The following BCAS3 variants were observed in gnomAD, a reference collection of about 807,000 sequenced individuals.
BCAS3 encodes the protein BCAS3 microtubule associated cell migration factor, also known as BCAS4/BCAS3 fusion.
BCAS3 carries 53 observed loss-of-function variants against 116.1 expected under a neutral mutation model. That is an observed-to-expected ratio of 0.46 (90% CI 0.37 to 0.57). BCAS3 has a LOEUF of 0.57. BCAS3 is among the 20% of genes least tolerant of loss of function. The pLI, the probability that BCAS3 is intolerant of heterozygous loss-of-function variation, is 0.00. For synonymous variants in BCAS3, 391 were observed against 408.2 expected, an observed-to-expected ratio of 0.96 and a Z score of 0.51; for missense variants, 917 against 1,165.4, an observed-to-expected ratio of 0.79 and a Z score of 3.10.
At chr17:60,911,686 C>G (rs374777051) in intron 12 of BCAS3, among the ~76,000 whole-genome samples, 3 of 151,766 alleles carry the variant, frequency 2.0e-5, no homozygotes, top group East Asian at 1.9e-4. Context: ...ATGCCCGTCT[C>G]GGCCTCCCAA....
chr17:61,304,121 G>C (rs2053653112), intron 22 of BCAS3, among the ~76,000 whole-genome samples: 1 of 152,136 alleles, frequency 6.6e-6, no homozygotes, highest in South Asian at 2.1e-4. Context: ...TCTCTAAATA[G>C]TTCTCAAATT....
At chr17:60,982,088 GTTGCC>G in intron 14 of BCAS3, among the ~76,000 whole-genome samples, 2 of 152,242 alleles carry the variant, frequency 1.3e-5, no homozygotes, top group South Asian at 4.2e-4. Flanking sequence ...TGCATTAAGA[GTTGCC>G]TGAAAGAAGG....
chr17:61,295,132 T>G (rs1401401500), intron 22 of BCAS3, among the ~76,000 whole-genome samples: 1 of 152,174 alleles, frequency 6.6e-6, no homozygotes, highest in East Asian at 1.9e-4. Flanking sequence ...GAGGCTTCTC[T>G]CTAAGCCCTT....
intron 7 of BCAS3, among the ~76,000 whole-genome samples, chr17:60,854,348 G>A (rs1017280676): frequency 2.0e-5 from 3 of 152,080 alleles, no homozygotes; most frequent in South Asian, 2.1e-4. Context: ...GAATAGTGCC[G>A]CAATGAACAT....
intron 7 of BCAS3, among the ~76,000 whole-genome samples, chr17:60,846,012 C>G (rs2052496831): frequency 1.3e-5 from 2 of 151,772 alleles, no homozygotes; most frequent in Non-Finnish European, 2.9e-5. Context: ...CACTGCAGCC[C>G]CAACCTTCCA....
chr17:60,968,827 GCCT>G (rs1250263539), intron 14 of BCAS3, among the ~76,000 whole-genome samples: 5 of 152,086 alleles, frequency 3.3e-5, no homozygotes, highest in Non-Finnish European at 7.4e-5. Context: ...TGGTAGTCTA[GCCT>G]CCCCACTTTG....
At chr17:61,385,158 A>G (rs2059785186) in intron 23 of BCAS3, among the ~76,000 whole-genome samples, 1 of 152,196 alleles carries the variant, frequency 6.6e-6, no homozygotes, top group Admixed American at 6.5e-5. Context: ...ACGCTCTGGA[A>G]GAGACAGCAG....
chr17:61,077,256 G>A lies in BCAS3; in HGVS notation c.2131-1077G>A, dbSNP rs971522066. ...TTGGCGGCCGGGCGCAGTGGCTCACGCCTGTAATCCCAGCACTTTGGGAGG... is the reference window on the plus strand; with the variant it reads ...TTGGCGGCCGGGCGCAGTGGCTCACACCTGTAATCCCAGCACTTTGGGAGG... On this transcript the variant is annotated intron_variant, in intron 20 of 23. Transcript: ENST00000407086. The surrounding 1 kb of genome is among the most constrained non-coding windows in gnomAD (Gnocchi z 4.3). Among the ~76,000 whole-genome samples, 2 of 152,104 alleles carry A rather than the reference G, an allele frequency of 1.3e-5. No individual in the cohort carries two copies. Among genetic ancestry groups the A allele is most frequent in the African/African-American group, 4.8e-5 (2 of 41,428 alleles).
In BCAS3 at chr17:61,070,817, C is replaced by T. The variant is rs371296685; in HGVS notation, c.2030-4103C>T. ...AAAGCTTTTCAATACTATATGTAGA[C>T]TGACTAAAATCAAGAGACTTACTGA... On this transcript the variant is annotated intron_variant, in intron 19 of 23. Coordinates refer to ENST00000407086, the MANE Select transcript of BCAS3 (RefSeq NM_017679.5). Among the ~76,000 whole-genome samples, 132 of 152,214 alleles carry T rather than the reference C, an allele frequency of 8.7e-4. 6 individuals carry two copies. The South Asian group carries it at 0.027, about 31-fold the overall frequency.
chr17:60,996,396 G>A (rs1427400517), intron 15 of BCAS3, among the ~76,000 whole-genome samples: 1 of 152,156 alleles, frequency 6.6e-6, no homozygotes, highest in Non-Finnish European at 1.5e-5. Flanking sequence ...ATGGTATGGC[G>A]ATCAGAATTT....
At chr17:61,092,235 C>T (rs2073633625) in intron 22 of BCAS3, among the ~76,000 whole-genome samples, 1 of 152,162 alleles carries the variant, frequency 6.6e-6, no homozygotes. Context: ...TTCAAATATA[C>T]CACACTTTAT....
Position 61,325,664 on chromosome 17 carries a change from C to T in BCAS3, c.2426-42663C>T, listed in dbSNP as rs557861211. Among the ~76,000 whole-genome samples the T allele has an allele frequency of 2.0e-5, 3 of 152,318 alleles. No homozygotes were observed. Among genetic ancestry groups the T allele is most frequent in the South Asian group, 4.1e-4 (2 of 4,826 alleles). ...CTAAAATCTTAAAGTGACAGGGCCC[C>T]GTTTTCAAAGAATAACTGGCTGGCT... On this transcript the variant is annotated intron_variant, in intron 22 of 23. Coordinates refer to ENST00000407086, the MANE Select transcript of BCAS3 (RefSeq NM_017679.5). This position sits in a 1 kb window ranked among gnomAD's most constrained non-coding sequence, Gnocchi z 6.4.
At chr17:60,996,898 A>G (rs1437369897) in intron 15 of BCAS3, among the ~76,000 whole-genome samples, 1 of 149,174 alleles carries the variant, frequency 6.7e-6, no homozygotes, top group Non-Finnish European at 1.5e-5. Flanking sequence ...TTCTACTGAC[A>G]GATCAATGAA....
Position 61,236,567 on chromosome 17 carries a change from G to A in BCAS3, c.2426-131760G>A, listed in dbSNP as rs532507803. Among the ~76,000 whole-genome samples, 85 of 152,186 alleles carry A rather than the reference G, an allele frequency of 5.6e-4. 2 individuals carry two copies. Among genetic ancestry groups the A allele is most frequent in the East Asian group, 2.3e-3 (12 of 5,184 alleles). ...GATCTCCTGACCTCGTGATCCACCC[G>A]CCTCGGCCTCCCAAAGTGCTGGGAT... On this transcript the variant is annotated intron_variant, in intron 22 of 23. Transcript: ENST00000407086.
rs536691832 is a variant in BCAS3 at position 60,944,448 on chromosome 17, C to T, written c.1088-2771C>T. ...CTTGAAAATTCCCTTAAACATTTAA[C>T]GAAGAAATAATAGCAATCCTACATC... On this transcript the variant is annotated intron_variant, in intron 13 of 23. Coordinates refer to ENST00000407086, the MANE Select transcript of BCAS3 (RefSeq NM_017679.5). 3.9e-4 allele frequency among the ~76,000 whole-genome samples: 59 copies of T among 151,950 alleles called. No individual in the cohort carries two copies. In the South Asian group the frequency reaches 5.6e-3, roughly 14 times the overall value.
rs770737178 is a variant in BCAS3 at position 61,249,024 on chromosome 17, G to A, written c.2426-119303G>A. 1.3e-5 allele frequency among the ~76,000 whole-genome samples: 2 copies of A among 152,122 alleles called. No homozygotes were observed. Among genetic ancestry groups the A allele is most frequent in the Non-Finnish European group, 2.9e-5 (2 of 68,038 alleles). Reference sequence around the variant, plus strand: ...AACTTGGCTGGGCTTGGTGGCTCACGCCTGTAATCCCAGAACTTTGGGAGG... The same window carrying A: ...AACTTGGCTGGGCTTGGTGGCTCACACCTGTAATCCCAGAACTTTGGGAGG... On this transcript the variant is annotated intron_variant, in intron 22 of 23. Transcript: ENST00000407086. The surrounding 1 kb of genome is among the most constrained non-coding windows in gnomAD (Gnocchi z 6.2).
At chr17:61,116,057 C>G (rs2075416610) in intron 22 of BCAS3, among the ~76,000 whole-genome samples, 1 of 132,980 alleles carries the variant, frequency 7.5e-6, no homozygotes, top group Non-Finnish European at 1.5e-5. Context: ...CACATGGACA[C>G]AGGAAGGGGA....
At chr17:61,209,901 C>T (rs982249153) in intron 22 of BCAS3, among the ~76,000 whole-genome samples, 1 of 152,146 alleles carries the variant, frequency 6.6e-6, no homozygotes, top group South Asian at 2.1e-4. Context: ...GTCATCCGCC[C>T]AATATTCGTC....
At chr17:61,299,561 G>A (rs1325368372) in intron 22 of BCAS3, among the ~76,000 whole-genome samples, 1 of 152,018 alleles carries the variant, frequency 6.6e-6, no homozygotes, top group African/African-American at 2.4e-5. Context: ...TTCTTTAGAG[G>A]GTTTGGCGTT....
Sources: gnomAD v4.1 joint callset for allele counts (sites outside exome capture counted in the v4.1 genomes callset) on GRCh38, gnomAD v4.1.1 for gene constraint, Gnocchi (gnomAD v3.1) non-coding constraint, MANE v1.5 for transcripts, NCBI Gene and HGNC (gene_info 2026-07-23, HGNC 2026-07-21) for gene names.